The following SLCO3A1 variants were observed in gnomAD, a reference collection of about 807,000 sequenced individuals.
SLCO3A1 encodes solute carrier organic anion transporter family member 3A1.
In SLCO3A1, 27 loss-of-function variants were observed where a neutral mutation model predicts 63.1. The ratio of observed to expected loss-of-function variants is 0.43; its 90% CI spans 0.32 to 0.59. SLCO3A1 has a LOEUF of 0.59. Ranked by LOEUF, SLCO3A1 falls within the 20% of genes least tolerant of loss-of-function variation. SLCO3A1 has a pLI of 0.09. For synonymous variants in SLCO3A1, 473 were observed against 409.9 expected, an observed-to-expected ratio of 1.15 and a Z score of -1.86; for missense variants, 773 against 945.8, an observed-to-expected ratio of 0.82 and a Z score of 2.40.
intron 1 of SLCO3A1, among the ~76,000 whole-genome samples, chr15:91,874,668 T>C (rs1897356781): frequency 6.6e-6 from 1 of 152,238 alleles, no homozygotes; most frequent in African/African-American, 2.4e-5. Flanking sequence ...TGCTTCCACA[T>C]GTTGGCTATT....
At chr15:91,980,012 T>G (rs186965987) in intron 2 of SLCO3A1, among the ~76,000 whole-genome samples, 1 of 152,296 alleles carries the variant, frequency 6.6e-6, no homozygotes, top group Admixed American at 6.5e-5. Flanking sequence ...ATCTAGAGCT[T>G]CACCATCCGC....
chr15:91,936,370 T>C (rs1243366066), intron 2 of SLCO3A1, among the ~76,000 whole-genome samples: 1 of 152,190 alleles, frequency 6.6e-6, no homozygotes, highest in Non-Finnish European at 1.5e-5. Flanking sequence ...CAAAGCCAAA[T>C]ACAGTGAAAA....
chr15:92,077,549 T>A (rs2047293715), intron 2 of SLCO3A1, among the ~76,000 whole-genome samples: 1 of 152,082 alleles, frequency 6.6e-6, no homozygotes, highest in Non-Finnish European at 1.5e-5. Context: ...CTCCCTCTGG[T>A]GACAAGAGGA....
Position 92,016,254 on chromosome 15 carries a change from T to TAGATAAGA in SLCO3A1, c.647-78627_647-78626insAGATAAGA. ...ATAGATAGATAGATAGATAGATAGA[T>TAGATAAGA]TAGATAGATAGATAGATAGATAGAT... On this transcript the variant is annotated intron_variant, in intron 2 of 9. Transcript: ENST00000318445. 9.4e-5 allele frequency among the ~76,000 whole-genome samples: 9 copies of TAGATAAGA among 95,658 alleles called. 1 individual carries two copies. The highest frequency in any genetic ancestry group is 4.0e-4 in the South Asian group (1 of 2,494). 62.8% of individuals were successfully genotyped at this position (95,658 alleles called of 152,430 possible). A position where few individuals can be genotyped will look rare whatever the true frequency, so the allele number is the denominator to read the frequency against.
In SLCO3A1 at chr15:92,126,226, C is replaced by T. The variant is rs772033576; in HGVS notation, c.1340C>T (p.Pro447Leu). The T allele has an allele frequency of 1.2e-6, 2 of 1,614,068 alleles. No homozygotes were observed. The highest frequency in any genetic ancestry group is 1.7e-6 in the Non-Finnish European group (2 of 1,180,014). ...CTCTTCCTGGGCTGCGACACTGGCC[C>T]TGTGGCTGGGGTTACTGTTCCCTAT... ...SFLFLGCDTG[P>L]VAGVTVPYGN... Residue 447 changes from proline to leucine, a missense_variant, in exon 6 of 10, where the codon CCT becomes CTT. Physicochemically the swap from Pro to Leu is moderately conservative, Grantham distance 98 (BLOSUM62 -3). Transcript: ENST00000318445.
intron 2 of SLCO3A1, among the ~76,000 whole-genome samples, chr15:92,007,176 C>T (rs941341252): frequency 1.3e-5 from 2 of 152,176 alleles, no homozygotes; most frequent in African/African-American, 4.8e-5. Context: ...AGATAAAGGT[C>T]AGTTTCATGG....
chr15:92,000,401 TTTA>T (rs200049036), intron 2 of SLCO3A1, among the ~76,000 whole-genome samples: 1,812 of 151,254 alleles, frequency 0.012, 30 homozygotes, highest in African/African-American at 0.042. Flanking sequence ...TTCCTTTTTT[TTTA>T]AAAAAAAAAA....
chr15:92,011,587 C>T (rs1389493887), intron 2 of SLCO3A1, among the ~76,000 whole-genome samples: 1 of 152,192 alleles, frequency 6.6e-6, no homozygotes, highest in Non-Finnish European at 1.5e-5. Context: ...CCCCCACTTC[C>T]TTGACAGTTA....
At chr15:91,931,723 A>G (rs191211447) in intron 2 of SLCO3A1, among the ~76,000 whole-genome samples, 263 of 151,724 alleles carry the variant, frequency 1.7e-3, no homozygotes, top group African/African-American at 6.0e-3. Flanking sequence ...CACCTGCCTC[A>G]GCCTCCCAAA....
rs7162591 is a variant in SLCO3A1, at chr15:91,856,681, G to A, written c.180+2593G>A. On this transcript the variant is annotated intron_variant, in intron 1 of 9. Transcript: ENST00000318445. This position sits in a 1 kb window ranked among gnomAD's most constrained non-coding sequence, Gnocchi z 4.9. ...GGCAGGGTCCACGTGCTAAGTGTGC[G>A]TTATACGTGATCCTTACCTTGGCAA... 0.022 allele frequency among the ~76,000 whole-genome samples: 3,309 copies of A among 152,212 alleles called. 119 individuals carry two copies. Among genetic ancestry groups the A allele is most frequent in the African/African-American group, 0.075 (3,104 of 41,512 alleles).
chr15:91,901,880 G>T (rs974532542), intron 1 of SLCO3A1, among the ~76,000 whole-genome samples: 1 of 148,644 alleles, frequency 6.7e-6, no homozygotes, highest in Non-Finnish European at 1.5e-5. Context: ...CTACATTTTG[G>T]ATGTTTGGGC....
chr15:92,057,906 A>G (rs1476932908), intron 2 of SLCO3A1, among the ~76,000 whole-genome samples: 1 of 152,226 alleles, frequency 6.6e-6, no homozygotes, highest in Non-Finnish European at 1.5e-5. Context: ...TTATTAAACA[A>G]AGCCCAACTC....
intron 2 of SLCO3A1, among the ~76,000 whole-genome samples, chr15:91,943,019 ATTAAT>A (rs1899677212): frequency 6.6e-6 from 1 of 152,184 alleles, no homozygotes; most frequent in South Asian, 2.1e-4. Flanking sequence ...TGTCCTTGTA[ATTAAT>A]TCAGGTCTCC....
At chr15:92,054,144 G>T (rs1438495108) in intron 2 of SLCO3A1, among the ~76,000 whole-genome samples, 1 of 152,174 alleles carries the variant, frequency 6.6e-6, no homozygotes, top group Non-Finnish European at 1.5e-5. Context: ...GCCACTGGGG[G>T]CTCCTTCAGT....
Position 91,883,740 on chromosome 15 carries a change from A to C in SLCO3A1, c.180+29652A>C, listed in dbSNP as rs1897655540. On this transcript the variant is annotated intron_variant, in intron 1 of 9. Transcript: ENST00000318445. The surrounding 1 kb of genome is among the most constrained non-coding windows in gnomAD (Gnocchi z 4.8). The stretch of plus-strand genomic sequence containing the variant: ...AATTTCGGTTCCAAGTATTTTTTGA[A>C]GTAGAAGTGTGTTTGTAATATCCTA... 6.6e-6 allele frequency among the ~76,000 whole-genome samples: 1 copy of C among 152,210 alleles called. No individual in the cohort carries two copies.
chr15:92,031,677 C>T (rs1038301625), intron 2 of SLCO3A1, among the ~76,000 whole-genome samples: 12 of 152,106 alleles, frequency 7.9e-5, no homozygotes, highest in African/African-American at 2.7e-4. Flanking sequence ...TTTGCGGGTA[C>T]ATAGTAGGTG....
At chr15:92,122,907 A>G (rs746392297) in intron 5 of SLCO3A1, among the ~76,000 whole-genome samples, 10 of 152,232 alleles carry the variant, frequency 6.6e-5, no homozygotes, top group Non-Finnish European at 1.3e-4. Context: ...ACATATTTAG[A>G]TGAATTAAAA....
rs1484090748 is a variant in SLCO3A1 at position 91,856,861 on chromosome 15, T to A, written c.180+2773T>A. Among the ~76,000 whole-genome samples, 1 of 152,182 alleles carries A rather than the reference T, an allele frequency of 6.6e-6. No individual in the cohort carries two copies. The highest frequency in any genetic ancestry group is 1.5e-5 in the Non-Finnish European group (1 of 68,036). Reference sequence around the variant, plus strand: ...ATTAGATTCCCAGAGTCCACCTTCTTATTTCATCTCCCCAGGTGCCTTAAA... The same window carrying A: ...ATTAGATTCCCAGAGTCCACCTTCTAATTTCATCTCCCCAGGTGCCTTAAA... On this transcript the variant is annotated intron_variant, in intron 1 of 9. Coordinates refer to ENST00000318445, the MANE Select transcript of SLCO3A1 (RefSeq NM_013272.4). This position sits in a 1 kb window ranked among gnomAD's most constrained non-coding sequence, Gnocchi z 4.9.
chr15:91,951,970 A>G (rs1208117614), intron 2 of SLCO3A1, among the ~76,000 whole-genome samples: 2 of 152,128 alleles, frequency 1.3e-5, no homozygotes, highest in Admixed American at 1.3e-4. Context: ...GAACTGCTAA[A>G]CTGTCTTCCA....
Sources: allele counts gnomAD v4.1 joint callset (sites outside exome capture counted in the v4.1 genomes callset), GRCh38; gene constraint gnomAD v4.1.1; non-coding constraint Gnocchi (gnomAD v3.1); transcripts MANE v1.5; gene names NCBI Gene and HGNC (gene_info 2026-07-23, HGNC 2026-07-21).